HAUS2: variants seen among roughly 807,000 people sequenced by gnomAD.
HAUS2 encodes the protein HAUS augmin like complex subunit 2.
In HAUS2, 20 loss-of-function variants were observed where a neutral mutation model predicts 21.6. The observed-to-expected ratio is 0.93, with a 90% CI of 0.65 to 1.35. HAUS2 has a LOEUF of 1.35. HAUS2 is among the 40% of genes most tolerant of loss of function. The pLI, the probability that HAUS2 is intolerant of heterozygous loss-of-function variation, is 0.00. For missense variants in HAUS2, 297 were observed against 280.7 expected, an observed-to-expected ratio of 1.06 and a Z score of -0.42; for synonymous variants, 113 against 95.6, an observed-to-expected ratio of 1.18 and a Z score of -1.06.
intron 1 of HAUS2, among the ~76,000 whole-genome samples, chr15:42,549,442 ATTAT>A (rs985318711): frequency 3.3e-5 from 5 of 151,408 alleles, no homozygotes; most frequent in African/African-American, 7.3e-5. Flanking sequence ...ATTTTATTTT[ATTAT>A]TTATTTATTT....
chr15:42,568,348 A>ACTAG lies in HAUS2; in HGVS notation c.*1532_*1533insCTAG, dbSNP rs2057926797. On this transcript the variant is annotated 3_prime_UTR_variant, in exon 6 of 6. Coordinates refer to ENST00000260372, the MANE Select transcript of HAUS2 (RefSeq NM_018097.3). ...GCCAGCATCTAGTGAGGGTCTTGCC[A>ACTAG]TGGCAGAAGGCACCACATGGCAAGT... The ACTAG allele has an allele frequency of 6.6e-6, 1 of 152,254 alleles. No homozygotes were observed. Among genetic ancestry groups the ACTAG allele is most frequent in the Non-Finnish European group, 1.5e-5 (1 of 68,050 alleles). The allele number at this position is 152,254 out of a possible 1,614,324, so 9.4% of individuals were successfully genotyped here. A position where few individuals can be genotyped will look rare whatever the true frequency, so the allele number is the denominator to read the frequency against.
Position 42,567,944 on chromosome 15 carries a change from A to T in HAUS2, c.*1128A>T, listed in dbSNP as rs947585709. 2.0e-4 allele frequency: 31 copies of T among 151,966 alleles called. No homozygotes were observed. Among genetic ancestry groups the T allele is most frequent in the African/African-American group, 7.5e-4 (31 of 41,320 alleles). The allele number at this position is 151,966 out of a possible 1,614,324, so 9.4% of individuals were successfully genotyped here. A position where few individuals can be genotyped will look rare whatever the true frequency, so the allele number is the denominator to read the frequency against. On this transcript the variant is annotated 3_prime_UTR_variant, in exon 6 of 6. Coordinates refer to ENST00000260372, the MANE Select transcript of HAUS2 (RefSeq NM_018097.3). ...GGCAGGAGAATCACTTGAACCCAGG[A>T]GGCAGAGGTTGCAGTGAGCCCAGAT... is the stretch of plus-strand genomic sequence containing the variant.
Position 42,563,859 on chromosome 15 carries a change from T to C in HAUS2, c.498+2T>C. 7.8e-7 allele frequency: 1 copy of C among 1,277,980 alleles called. No homozygotes were observed. Among genetic ancestry groups the C allele is most frequent in the Non-Finnish European group, 1.1e-6 (1 of 881,974 alleles). 79.2% of individuals were successfully genotyped at this position (1,277,980 alleles called of 1,614,324 possible). ...TTAGCTGCAAATCTAAAGAAAATGG[T>C]GAGTATTAATATAGCAATCTTCAGT... is the stretch of plus-strand genomic sequence containing the variant. On this transcript the variant is annotated splice_donor_variant, in intron 5 of 5. Transcript: ENST00000260372. LOFTEE classifies it high-confidence loss of function.
intron 1 of HAUS2, among the ~76,000 whole-genome samples, chr15:42,552,879 C>T (rs1187387405): frequency 6.6e-6 from 1 of 152,050 alleles, no homozygotes; most frequent in Non-Finnish European, 1.5e-5. Context: ...CTTTTAATGT[C>T]CCTCAGCTAG....
chr15:42,560,671 C>G (rs1334257886), intron 3 of HAUS2: 1 of 569,812 alleles, frequency 1.8e-6, no homozygotes, highest in Non-Finnish European at 3.2e-6. Flanking sequence ...GGCTGAAGTA[C>G]AGGTCGCTGT....
intron 4 of HAUS2, among the ~76,000 whole-genome samples, chr15:42,562,719 C>T (rs969531956): frequency 6.6e-6 from 1 of 152,180 alleles, no homozygotes; most frequent in Non-Finnish European, 1.5e-5. Flanking sequence ...AGCATTTTTG[C>T]AAGTGCAGAG....
chr15:42,559,237 T>A, intron 2 of HAUS2, 102 bp from the exon 3 acceptor site: 3 of 651,072 alleles, frequency 4.6e-6, no homozygotes, highest in Non-Finnish European at 5.7e-6. Flanking sequence ...GTGATCCACC[T>A]GCCTCAGCCT....
At chr15:42,563,011 G>C (rs557286013) in intron 4 of HAUS2, among the ~76,000 whole-genome samples, 1 of 152,038 alleles carries the variant, frequency 6.6e-6, no homozygotes, top group South Asian at 2.1e-4. Context: ...TACTCAGGAG[G>C]CTGAGGCACA....
chr15:42,567,092 C>T lies in HAUS2; in HGVS notation c.*276C>T, dbSNP rs2057914314. Reference sequence around the variant, plus strand: ...TTAACCATTTCTCAGGTGGGAAATTCTCTTTTTTTAAAAATGTGTGTTTAT... The same window carrying T: ...TTAACCATTTCTCAGGTGGGAAATTTTCTTTTTTTAAAAATGTGTGTTTAT... On this transcript the variant is annotated 3_prime_UTR_variant, in exon 6 of 6. Coordinates refer to ENST00000260372, the MANE Select transcript of HAUS2 (RefSeq NM_018097.3). The T allele has an allele frequency of 3.6e-6, 1 of 274,344 alleles. No individual in the cohort carries two copies. Among genetic ancestry groups the T allele is most frequent in the African/African-American group, 2.3e-5 (1 of 43,794 alleles). 17.0% of individuals were successfully genotyped at this position (274,344 alleles called of 1,614,324 possible).
intron 4 of HAUS2, among the ~76,000 whole-genome samples, chr15:42,562,567 C>T (rs1339289866): frequency 1.3e-5 from 2 of 152,210 alleles, no homozygotes; most frequent in African/African-American, 4.8e-5. Flanking sequence ...TGCACTCCAG[C>T]CTGGGCAACA....
chr15:42,552,381 G>C (rs941578858), intron 1 of HAUS2, among the ~76,000 whole-genome samples: 2 of 152,096 alleles, frequency 1.3e-5, no homozygotes, highest in African/African-American at 4.8e-5. Context: ...GATTTGTCAC[G>C]TCATCCCTTC....
At position 42,558,247 on chromosome 15, in the gene HAUS2, C is replaced by T; in HGVS notation, c.143C>T (p.Thr48Ile). ...KKTVSCFVNF[T>I]RLQQITNIQA... ...ACAGTTTCTTGTTTTGTGAACTTCACCAGACTACAGCAGATCACAAATATT... is the reference window on the plus strand; with the variant it reads ...ACAGTTTCTTGTTTTGTGAACTTCATCAGACTACAGCAGATCACAAATATT... Residue 48 changes from threonine to isoleucine, a missense_variant, in exon 2 of 6, where the codon ACC becomes ATC. By Grantham distance (89) the Thr-to-Ile change is moderately conservative. Coordinates refer to ENST00000260372, the MANE Select transcript of HAUS2 (RefSeq NM_018097.3). 3 of 1,503,038 alleles carry T rather than the reference C, an allele frequency of 2.0e-6. No individual in the cohort carries two copies. Among genetic ancestry groups the T allele is most frequent in the Non-Finnish European group, 2.8e-6 (3 of 1,083,434 alleles). 93.1% of individuals were successfully genotyped at this position (1,503,038 alleles called of 1,614,324 possible).
chr15:42,556,876 G>A (rs2057783157), intron 1 of HAUS2, among the ~76,000 whole-genome samples: 1 of 151,374 alleles, frequency 6.6e-6, no homozygotes. Context: ...AATTAGCTGG[G>A]CATGGTGGCA....
chr15:42,552,182 C>T (rs554955886), intron 1 of HAUS2, among the ~76,000 whole-genome samples: 9 of 152,108 alleles, frequency 5.9e-5, no homozygotes, highest in African/African-American at 2.2e-4. Flanking sequence ...ACCACCACGC[C>T]CGGCTAATTT....
intron 1 of HAUS2, among the ~76,000 whole-genome samples, chr15:42,549,481 C>G (rs144715250): frequency 5.7e-4 from 86 of 151,916 alleles, no homozygotes; most frequent in African/African-American, 2.0e-3. Flanking sequence ...GAGTCTCGCT[C>G]TAACGCCCAG....
intron 4 of HAUS2, 52 bp downstream of exon 4, chr15:42,561,454 T>C: frequency 7.7e-7 from 1 of 1,294,360 alleles, no homozygotes; most frequent in Admixed American, 1.8e-5. Flanking sequence ...TGAGTTTACT[T>C]TTTGTTTTGC....
chr15:42,556,921 G>A (rs1158454201), intron 1 of HAUS2, among the ~76,000 whole-genome samples: 1 of 151,878 alleles, frequency 6.6e-6, no homozygotes, highest in Non-Finnish European at 1.5e-5. Context: ...TTGGGAAGCT[G>A]TAATCCCAGC....
At chr15:42,549,040 T>C in intron 1 of HAUS2, 75 bp downstream of exon 1, 1 of 960,568 alleles carries the variant, frequency 1.0e-6, no homozygotes, top group South Asian at 1.4e-5. Context: ...TTGGTGCTGC[T>C]GGCTGTGGGA....
intron 1 of HAUS2, among the ~76,000 whole-genome samples, chr15:42,557,148 A>G (rs1342289986): frequency 6.8e-6 from 1 of 147,064 alleles, no homozygotes; most frequent in Non-Finnish European, 1.5e-5. Flanking sequence ...CCCCGTCTCT[A>G]CTAAAAAATA....
Sources: allele counts gnomAD v4.1 joint callset (sites outside exome capture counted in the v4.1 genomes callset), GRCh38; gene constraint gnomAD v4.1.1; transcripts MANE v1.5; gene names NCBI Gene and HGNC (gene_info 2026-07-23, HGNC 2026-07-21).